QTMAN: variants seen among roughly 807,000 people sequenced by gnomAD.
QTMAN encodes the protein queuosine-tRNA mannosyltransferase.
the QTMAN span, among the ~76,000 whole-genome samples, chr2:144,073,501 C>A: frequency 3.3e-5 from 5 of 151,956 alleles, no homozygotes; most frequent in African/African-American, 1.2e-4. Flanking sequence ...TATGGATCCA[C>A]GATCGTTTTC....
At chr2:143,980,734 A>G in the QTMAN span, among the ~76,000 whole-genome samples, 1 of 152,134 alleles carries the variant, frequency 6.6e-6, no homozygotes, top group Non-Finnish European at 1.5e-5. Flanking sequence ...TTTATAGTAC[A>G]ATGTTTTCAC....
chr2:144,088,714 T>C, the QTMAN span, among the ~76,000 whole-genome samples: 10 of 151,946 alleles, frequency 6.6e-5, no homozygotes, highest in South Asian at 4.2e-4. Flanking sequence ...AGAACTTACA[T>C]TGGGGAAAGG....
chr2:144,243,490 CAATAT>C, the QTMAN span, among the ~76,000 whole-genome samples: 1 of 152,094 alleles, frequency 6.6e-6, no homozygotes, highest in African/African-American at 2.4e-5. Flanking sequence ...ATTTTGCAAA[CAATAT>C]AATTTAAGAA....
At chr2:143,958,471 A>T in the QTMAN span, among the ~76,000 whole-genome samples, 1 of 152,030 alleles carries the variant, frequency 6.6e-6, no homozygotes. Flanking sequence ...AGAGAAAGAC[A>T]CTCATTTTTG....
At chr2:144,321,332 C>A in the QTMAN span, among the ~76,000 whole-genome samples, 3 of 152,174 alleles carry the variant, frequency 2.0e-5, no homozygotes, top group African/African-American at 7.2e-5. Flanking sequence ...AGTTTCCTGC[C>A]ACTGCTGGAC....
At chr2:144,169,154 G>A in the QTMAN span, among the ~76,000 whole-genome samples, 2 of 152,084 alleles carry the variant, frequency 1.3e-5, no homozygotes, top group Non-Finnish European at 2.9e-5. Context: ...TCACCTGAGA[G>A]ATTTAGAAAA....
chr2:143,955,811 A>G, the QTMAN span, among the ~76,000 whole-genome samples: 9 of 152,220 alleles, frequency 5.9e-5, no homozygotes, highest in Non-Finnish European at 1.3e-4. Flanking sequence ...ACCTAATTGC[A>G]CACTTTCTCC....
chr2:143,993,064 C>T, the QTMAN span, among the ~76,000 whole-genome samples: 1 of 151,988 alleles, frequency 6.6e-6, no homozygotes, highest in Non-Finnish European at 1.5e-5. Flanking sequence ...TTTTTAAAAG[C>T]CTTGATAATG....
At chr2:144,191,216 T>G in the QTMAN span, among the ~76,000 whole-genome samples, 1 of 152,218 alleles carries the variant, frequency 6.6e-6, no homozygotes, top group Non-Finnish European at 1.5e-5. Context: ...TATCTTTTGC[T>G]GCTTGAAAAA....
chr2:143,982,591 T>C, the QTMAN span, among the ~76,000 whole-genome samples: 7,880 of 150,362 alleles, frequency 0.052, 266 homozygotes, highest in Middle Eastern at 0.13. Flanking sequence ...CTGAGTGCGG[T>C]GGCTCATGCC....
chr2:144,073,703 T>G, the QTMAN span, among the ~76,000 whole-genome samples: 2 of 152,216 alleles, frequency 1.3e-5, no homozygotes, highest in Non-Finnish European at 2.9e-5. Flanking sequence ...AGCTACCATC[T>G]TATTTGGAGG....
At chr2:144,280,635 G>GTATTCAC in the QTMAN span, among the ~76,000 whole-genome samples, 5 of 152,072 alleles carry the variant, frequency 3.3e-5, no homozygotes, top group South Asian at 6.2e-4. Context: ...CTCATAAAGT[G>GTATTCAC]AATAACTCTA....
the QTMAN span, among the ~76,000 whole-genome samples, chr2:144,314,712 C>CAAAT: frequency 6.6e-5 from 10 of 151,872 alleles, no homozygotes; most frequent in Admixed American, 3.3e-4. Context: ...GACTCCGTCT[C>CAAAT]AAATAAATAA....
chr2:144,156,582 T>C, the QTMAN span, among the ~76,000 whole-genome samples: 1 of 151,850 alleles, frequency 6.6e-6, no homozygotes, highest in Non-Finnish European at 1.5e-5. Flanking sequence ...ACCCCATATA[T>C]CACAGAGGGG....
At chr2:144,263,557 A>C in the QTMAN span, among the ~76,000 whole-genome samples, 1 of 152,100 alleles carries the variant, frequency 6.6e-6, no homozygotes, top group South Asian at 2.1e-4. Flanking sequence ...CCCTGTCTCT[A>C]CTAAAAATAC....
At chr2:144,118,650 G>A in the QTMAN span, among the ~76,000 whole-genome samples, 12 of 152,116 alleles carry the variant, frequency 7.9e-5, no homozygotes, top group East Asian at 1.9e-4. Context: ...TTGGGAGGCC[G>A]AGGTGGGTGG....
chr2:143,957,224 T>C, the QTMAN span: 1 of 1,598,902 alleles, frequency 6.3e-7, no homozygotes, highest in Non-Finnish European at 8.5e-7. Flanking sequence ...CATGCTTAGC[T>C]GTTGAGATGA....
At chr2:144,246,709 A>C in the QTMAN span, among the ~76,000 whole-genome samples, 1 of 152,102 alleles carries the variant, frequency 6.6e-6, no homozygotes, top group South Asian at 2.1e-4. Context: ...ATGGACATAG[A>C]TGCCTTCATT....
chr2:144,136,992 T>C, the QTMAN span, among the ~76,000 whole-genome samples: 3 of 152,102 alleles, frequency 2.0e-5, no homozygotes, highest in Admixed American at 6.6e-5. Context: ...ATTTGGTCAA[T>C]GGCAAAGCTG....
Sources: allele counts gnomAD v4.1 joint callset (sites outside exome capture counted in the v4.1 genomes callset), GRCh38; gene constraint gnomAD v4.1.1; transcripts MANE v1.5; gene names NCBI Gene and HGNC (gene_info 2026-07-23, HGNC 2026-07-21).